FAM81A: variants seen among roughly 807,000 people sequenced by gnomAD.
FAM81A encodes family with sequence similarity 81 member A, also known as protein FAM81A.
FAM81A carries 19 observed loss-of-function variants against 46.7 expected under a neutral mutation model. That is an observed-to-expected ratio of 0.41 (90% CI 0.28 to 0.60). The LOEUF (loss-of-function observed/expected upper bound fraction) is 0.60, where lower values mean the gene tolerates loss of function less well. Among genes scored for constraint, FAM81A ranks in the 20% least tolerant of loss-of-function variants. The pLI is 0.34. For synonymous variants in FAM81A, 183 were observed against 152.9 expected (o/e 1.20, Z -1.45); for missense variants, 377 against 453.5 (o/e 0.83, Z 1.53).
chr15:59,426,534 C>G (rs1322065910), intron 2 of FAM81A, among the ~76,000 whole-genome samples: 1 of 152,200 alleles, frequency 6.6e-6, no homozygotes, highest in Non-Finnish European at 1.5e-5. Context: ...ATCGCTTGAA[C>G]CCAGGAGGCA....
At chr15:59,436,082 A>G (rs1378060679), upstream of FAM81A, among the ~76,000 whole-genome samples, 1 of 152,244 alleles carries the variant, frequency 6.6e-6, no homozygotes, top group Non-Finnish European at 1.5e-5. Flanking sequence ...ATGTTTTGAA[A>G]TAATTATTAA....
chr15:59,455,912 C>G (rs1168255730), intron 1 of FAM81A, among the ~76,000 whole-genome samples: 1 of 152,162 alleles, frequency 6.6e-6, no homozygotes, highest in Non-Finnish European at 1.5e-5. Context: ...ATCTTTATTG[C>G]TGCAGTTTCT....
chr15:59,472,266 C>T (rs1433330006), intron 3 of FAM81A, among the ~76,000 whole-genome samples: 1 of 151,926 alleles, frequency 6.6e-6, no homozygotes. Flanking sequence ...CGTTGAACCT[C>T]GGAGGTTGCT....
rs2081129719 is a variant in FAM81A, at chr15:59,413,151, G to A, written c.-78+10793G>A. ...CAAAGGGGGAGAAGGGGTGGCTGTG[G>A]AAATTCTCCTTTCTTGTGGTCTCTG... On this transcript the variant is annotated intron_variant, in intron 2 of 4. Transcript: ENST00000558348. Among the ~76,000 whole-genome samples the A allele has an allele frequency of 2.6e-5, 4 of 152,208 alleles. No individual in the cohort carries two copies. The South Asian group carries it at 8.3e-4, about 32-fold the overall frequency.
Position 59,492,385 on chromosome 15 carries a change from G to A in FAM81A, c.409G>A (p.Ala137Thr), listed in dbSNP as rs2081990811. 1 of 1,612,122 alleles carries A rather than the reference G, an allele frequency of 6.2e-7. No homozygotes were observed. Among genetic ancestry groups the A allele is most frequent in the African/African-American group, 1.3e-5 (1 of 74,912 alleles). ...SGLGDLRGRVARCDASIARLS... is the reference protein window; with the variant it reads ...SGLGDLRGRVTRCDASIARLS... ...TTTGGGAGATCTTCGAGGAAGAGTGGCAAGGTAGGTGTTCAAATGTTGGGG... is the reference window on the plus strand; with the variant it reads ...TTTGGGAGATCTTCGAGGAAGAGTGACAAGGTAGGTGTTCAAATGTTGGGG... Residue 137 changes from alanine (A) to threonine (T), a missense_variant, in exon 4 of 9, where the codon GCA becomes ACA. Physicochemically the swap from Ala to Thr is moderately conservative, Grantham distance 58. Transcript: ENST00000288228.
chr15:59,452,549 A>T (rs12443367), intron 1 of FAM81A, among the ~76,000 whole-genome samples: 1,537 of 152,302 alleles, frequency 0.01, 16 homozygotes, highest in Admixed American at 0.017. Flanking sequence ...CTGGAGGCTG[A>T]GGCAGGAGGA....
chr15:59,447,599 G>A (rs1290642041), intron 1 of FAM81A, among the ~76,000 whole-genome samples: 1 of 152,196 alleles, frequency 6.6e-6, no homozygotes, highest in Non-Finnish European at 1.5e-5. Context: ...CCTGCTATTA[G>A]CATTGGTCTT....
chr15:59,493,406 C>G (rs897905612), intron 4 of FAM81A, among the ~76,000 whole-genome samples: 3 of 152,138 alleles, frequency 2.0e-5, no homozygotes, highest in Admixed American at 6.5e-5. Flanking sequence ...GGATGAACTC[C>G]AGTCTCCTTA....
chr15:59,443,152 G>A (rs1427162077), intron 1 of FAM81A, among the ~76,000 whole-genome samples: 2 of 152,114 alleles, frequency 1.3e-5, no homozygotes, highest in Non-Finnish European at 2.9e-5. Flanking sequence ...GCACAATCTC[G>A]GCTCACTGCA....
At chr15:59,416,734 T>A (rs1463026065) in intron 2 of FAM81A, among the ~76,000 whole-genome samples, 1 of 152,192 alleles carries the variant, frequency 6.6e-6, no homozygotes, top group Non-Finnish European at 1.5e-5. Context: ...TATTCAGCCC[T>A]TGAGTCTGCA....
intron 2 of FAM81A, among the ~76,000 whole-genome samples, chr15:59,458,906 A>G (rs929387301): frequency 2.6e-5 from 4 of 152,232 alleles, no homozygotes; most frequent in Admixed American, 6.5e-5. Flanking sequence ...TCAGGCTAAC[A>G]TCCCTGTTAA....
chr15:59,467,744 T>C (rs2081632259), intron 3 of FAM81A, among the ~76,000 whole-genome samples: 4 of 152,234 alleles, frequency 2.6e-5, no homozygotes, highest in African/African-American at 7.2e-5. Context: ...TCCAACACCA[T>C]GTTGAACAGG....
At chr15:59,511,006 A>G (rs1488391807) in intron 6 of FAM81A, among the ~76,000 whole-genome samples, 4 of 151,424 alleles carry the variant, frequency 2.6e-5, no homozygotes, top group African/African-American at 9.7e-5. Context: ...AAGTAGCTGG[A>G]AATCACCTGA....
At chr15:59,398,868 T>C (rs2081058508) in intron 1 of FAM81A, among the ~76,000 whole-genome samples, 1 of 147,480 alleles carries the variant, frequency 6.8e-6, no homozygotes, top group African/African-American at 2.5e-5. Context: ...TCCAAGCTAG[T>C]GACTAAAAAA....
intron 2 of FAM81A, among the ~76,000 whole-genome samples, chr15:59,406,020 C>T (rs1175925546): frequency 6.6e-6 from 1 of 152,162 alleles, no homozygotes; most frequent in Non-Finnish European, 1.5e-5. Context: ...ATCCTTGCAA[C>T]TCGACCCAGA....
At chr15:59,503,233 C>CAAAAAA (rs769759845) in intron 4 of FAM81A, among the ~76,000 whole-genome samples, 4 of 35,324 alleles carry the variant, frequency 1.1e-4, no homozygotes, top group African/African-American at 2.3e-4. Flanking sequence ...GAGACTGTCT[C>CAAAAAA]AAAAAAAAAA....
Position 59,459,999 on chromosome 15 carries a change from C to G in FAM81A, c.87C>G (p.Leu29=). 6.2e-7 allele frequency: 1 copy of G among 1,613,326 alleles called. No individual in the cohort carries two copies. Among genetic ancestry groups the G allele is most frequent in the Non-Finnish European group, 8.5e-7 (1 of 1,179,620 alleles). The change falls in exon 3 of 9, where the codon CTC becomes CTG. Residue 29 remains leucine (L), a synonymous_variant. Coordinates refer to ENST00000288228, the MANE Select transcript of FAM81A (RefSeq NM_152450.3). ...TGGCACCATACTCATCTGTAAGCCTCGTGGAGCAGCTGGAAGACAGGATCC... is the reference window on the plus strand; with the variant it reads ...TGGCACCATACTCATCTGTAAGCCTGGTGGAGCAGCTGGAAGACAGGATCC... ...LTMAPYSSVS[L]VEQLEDRILC...
At chr15:59,427,078 C>T (rs1292542888) in intron 2 of FAM81A, among the ~76,000 whole-genome samples, 1 of 152,150 alleles carries the variant, frequency 6.6e-6, no homozygotes, top group Non-Finnish European at 1.5e-5. Flanking sequence ...AGTGACCTCC[C>T]TATAGTGCTC....
In FAM81A at chr15:59,521,785, T is replaced by G. The variant is rs2082331177; in HGVS notation, c.*407T>G. On this transcript the variant is annotated 3_prime_UTR_variant, in exon 9 of 9. Coordinates refer to ENST00000288228, the MANE Select transcript of FAM81A (RefSeq NM_152450.3). ...ATGAATCATCACAGGAATGTGTTGC[T>G]CCTCACCCTAAATTAAGAGAATGTC... 6.5e-6 allele frequency: 1 copy of G among 153,756 alleles called. No individual in the cohort carries two copies. The highest frequency in any genetic ancestry group is 1.4e-5 in the Non-Finnish European group (1 of 69,136). 9.5% of individuals were successfully genotyped at this position (153,756 alleles called of 1,614,324 possible). A position where few individuals can be genotyped will look rare whatever the true frequency, so the allele number is the denominator to read the frequency against.
Sources: allele counts gnomAD v4.1 joint callset (sites outside exome capture counted in the v4.1 genomes callset), GRCh38; gene constraint gnomAD v4.1.1; transcripts MANE v1.5; gene names NCBI Gene and HGNC (gene_info 2026-07-23, HGNC 2026-07-21).